Variants in SP110 observed in about 807,000 individuals in gnomAD.
The protein encoded by SP110 is SP110 nuclear body protein.
Under a neutral mutation model 92.7 loss-of-function variants are expected in SP110, and 62 were observed. That is an observed-to-expected ratio of 0.67 (90% CI 0.55 to 0.83). The LOEUF (loss-of-function observed/expected upper bound fraction) is 0.83. SP110 is among the 40% of genes least tolerant of loss of function. The probability of loss-of-function intolerance (pLI) is 0.00; values close to 1 mark genes in which losing one functional copy is unlikely to be tolerated. For missense variants in SP110, 793 were observed against 863.9 expected (o/e 0.92, Z 1.03); for synonymous variants, 273 against 305.3 (o/e 0.89, Z 1.10).
chr2:230,209,542 G>A (rs1392980758), intron 7 of SP110, among the ~76,000 whole-genome samples: 1 of 152,212 alleles, frequency 6.6e-6, no homozygotes, highest in Non-Finnish European at 1.5e-5. Flanking sequence ...CATCTAACCT[G>A]TCTCTCACCA....
chr2:230,211,336 G>T lies in SP110; in HGVS notation c.751+134C>A. 1.4e-6 allele frequency: 1 copy of T among 722,160 alleles called. No homozygotes were observed. The highest frequency in any genetic ancestry group is 2.0e-5 in the Admixed American group (1 of 51,030). 44.7% of individuals were successfully genotyped at this position (722,160 alleles called of 1,614,324 possible). A position where few individuals can be genotyped will look rare whatever the true frequency, so the allele number is the denominator to read the frequency against. On this transcript the variant is annotated intron_variant, in intron 6 of 18. Coordinates refer to ENST00000258381, the MANE Select transcript of SP110 (RefSeq NM_080424.4). The surrounding 1 kb of genome is among the most constrained non-coding windows in gnomAD (Gnocchi z 4.2). Reference sequence around the variant, plus strand: ...CTGCCTGTTCAAGCTCCCAAGTGCTGGGTGAACTGGAAGCTGGGCCAAGAT... The same window carrying T: ...CTGCCTGTTCAAGCTCCCAAGTGCTTGGTGAACTGGAAGCTGGGCCAAGAT...
rs2148926598 is a variant in SP110, at chr2:230,212,926, G to A, written c.418C>T (p.Pro140Ser). Reference sequence around the variant, plus strand: ...CTTGGTTGAGGGGGTTGTGGTGGGGGCAGCGCCAGTGGGGTATGGAGGGAG... The same window carrying A: ...CTTGGTTGAGGGGGTTGTGGTGGGGACAGCGCCAGTGGGGTATGGAGGGAG... ...GSSLHTPLAL[P>S]PPQPPQPSCS... The change falls in exon 4 of 19, where the codon CCC (proline) becomes TCC (serine). Residue 140 changes from proline (P) to serine (S), a missense_variant. Coordinates refer to ENST00000258381, the MANE Select transcript of SP110 (RefSeq NM_080424.4). 1 of 1,614,072 alleles carries A rather than the reference G, an allele frequency of 6.2e-7. No individual in the cohort carries two copies. The highest frequency in any genetic ancestry group is 2.2e-5 in the East Asian group (1 of 44,868).
rs764835902 is a variant in SP110, at chr2:230,172,108, T to C, written c.1773A>G (p.Val591=). 1 of 1,613,584 alleles carries C rather than the reference T, an allele frequency of 6.2e-7. No individual in the cohort carries two copies. The highest frequency in any genetic ancestry group is 8.5e-7 in the Non-Finnish European group (1 of 1,179,440). ...RSSGSQQCHH[V]SKTLERQMQP... ...GCATCTGCCTCTCCAGGGTCTTAGATACATGATGGCACTGTTGGCTTCCTG... is the reference window on the plus strand; with the variant it reads ...GCATCTGCCTCTCCAGGGTCTTAGACACATGATGGCACTGTTGGCTTCCTG... Residue 591 remains valine (V), a synonymous_variant, in exon 16 of 19, where the codon GTA becomes GTG. Transcript: ENST00000258381.
rs76273869 is a variant in SP110, at chr2:230,206,863, G to A, written c.898+1128C>T. Among the ~76,000 whole-genome samples, 1,345 of 151,872 alleles carry A rather than the reference G, an allele frequency of 8.9e-3. 13 individuals carry two copies. Among genetic ancestry groups the A allele is most frequent in the African/African-American group, 0.031 (1,272 of 41,426 alleles). On this transcript the variant is annotated intron_variant, in intron 8 of 18. Transcript: ENST00000258381. ...TCTAGTTAATTACTCTGATCTAGAG[G>A]GAGAATAGAACCTCTCTTATCTCCT...
intron 10 of SP110, among the ~76,000 whole-genome samples, chr2:230,189,420 G>A (rs548677966): frequency 9.9e-5 from 15 of 151,930 alleles, no homozygotes; most frequent in African/African-American, 2.7e-4. Flanking sequence ...TCTAATTTCC[G>A]TCTTAATTTC....
Position 230,212,813 on chromosome 2 carries a change from A to G in SP110, c.531T>C (p.Ser177=). ...DEILSESPSP[S]DPVLPLPALI... ...GTGCAGGGAGAGGCAGGACAGGGTCAGATGGGCTGGGCGACTCACTCAGGA... is the reference window on the plus strand; with the variant it reads ...GTGCAGGGAGAGGCAGGACAGGGTCGGATGGGCTGGGCGACTCACTCAGGA... Residue 177 remains serine, a synonymous_variant, in exon 4 of 19, where the codon TCT becomes TCC. Coordinates refer to ENST00000258381, the MANE Select transcript of SP110 (RefSeq NM_080424.4). The G allele has an allele frequency of 6.2e-7, 1 of 1,614,174 alleles. No individual in the cohort carries two copies. Among genetic ancestry groups the G allele is most frequent in the Non-Finnish European group, 8.5e-7 (1 of 1,180,014 alleles).
chr2:230,206,356 ATAGTCAACC>A (rs1352016199), intron 8 of SP110, among the ~76,000 whole-genome samples: 1 of 151,732 alleles, frequency 6.6e-6, no homozygotes, highest in Non-Finnish European at 1.5e-5. Context: ...GTCTCTCAGT[ATAGTCAACC>A]ATTCCCTCTT....
intron 10 of SP110, among the ~76,000 whole-genome samples, chr2:230,199,148 A>ATT (rs113583785): frequency 5.8e-5 from 8 of 139,104 alleles, no homozygotes; most frequent in African/African-American, 2.2e-4. Context: ...TATTATTATT[A>ATT]TTTTTTTTTT....
chr2:230,221,281 G>GA (rs113981247), upstream of SP110, among the ~76,000 whole-genome samples: 455 of 82,406 alleles, frequency 5.5e-3, 1 homozygote, highest in Non-Finnish European at 6.5e-3. Context: ...ACTCCATCTC[G>GA]AAAAAAAAAA....
intron 12 of SP110, among the ~76,000 whole-genome samples, chr2:230,181,360 A>G (rs2042119914): frequency 6.6e-6 from 1 of 152,260 alleles, no homozygotes; most frequent in Admixed American, 6.5e-5. Context: ...GCAACACACA[A>G]GACCCATCCA....
rs1137604 is a variant in SP110 at position 230,166,284 on chromosome 2, T to G, written c.*2840A>C. ...TGTCTCAAAAACCAACAGAATATCTTCATAGCCTGAAAACCGTAAAGAAAG... is the reference window on the plus strand; with the variant it reads ...TGTCTCAAAAACCAACAGAATATCTGCATAGCCTGAAAACCGTAAAGAAAG... On this transcript the variant is annotated 3_prime_UTR_variant, in exon 19 of 19. Transcript: ENST00000258381. 0.66 allele frequency among the ~76,000 whole-genome samples: 100,279 copies of G among 151,654 alleles called. 33,559 individuals carry two copies. Among genetic ancestry groups the G allele is most frequent in the Middle Eastern group, 0.72 (213 of 294 alleles).
At position 230,186,088 on chromosome 2, in the gene SP110, C is replaced by A; in HGVS notation, c.1185G>T (p.Val395=). 1 of 1,614,110 alleles carries A rather than the reference C, an allele frequency of 6.2e-7. No individual in the cohort carries two copies. The highest frequency in any genetic ancestry group is 8.5e-7 in the Non-Finnish European group (1 of 1,179,988). The stretch of plus-strand genomic sequence containing the variant: ...AGGTTGAGTCGTCTTTCCTTTGAGT[C>A]ACCTTATCCACCACTTGGAGCTTCT... ...IQEKLQVVDK[V]TQRKDDSTWN... The change falls in exon 11 of 19, where the codon GTG becomes GTT. Residue 395 remains valine, a synonymous_variant. Coordinates refer to ENST00000258381, the MANE Select transcript of SP110 (RefSeq NM_080424.4).
chr2:230,188,069 A>C (rs1483662618), intron 10 of SP110, among the ~76,000 whole-genome samples: 1 of 152,134 alleles, frequency 6.6e-6, no homozygotes, highest in East Asian at 1.9e-4. Context: ...CAATCTGTAG[A>C]TTGCCTTGGG....
At chr2:230,188,264 G>A (rs1180596579) in intron 10 of SP110, among the ~76,000 whole-genome samples, 1 of 152,070 alleles carries the variant, frequency 6.6e-6, no homozygotes, top group African/African-American at 2.4e-5. Flanking sequence ...TTTTAAAAGG[G>A]ATTGAGTTCT....
rs1421763267 is a variant in SP110, at chr2:230,202,485, T to C, written c.1048+94A>G. 2.5e-6 allele frequency: 3 copies of C among 1,202,160 alleles called. No individual in the cohort carries two copies. In the African/African-American group the frequency reaches 4.5e-5, roughly 18 times the overall value. 74.5% of individuals were successfully genotyped at this position (1,202,160 alleles called of 1,614,324 possible). On this transcript the variant is annotated intron_variant, in intron 9 of 18. Coordinates refer to ENST00000258381, the MANE Select transcript of SP110 (RefSeq NM_080424.4). ...TTCTCTGTACTTTTTCCTTTTACTA[T>C]TGACTTTACATATCTACTTAACTCT... is the stretch of plus-strand genomic sequence containing the variant.
chr2:230,192,366 G>A (rs2042674296), intron 10 of SP110, among the ~76,000 whole-genome samples: 1 of 152,138 alleles, frequency 6.6e-6, no homozygotes, highest in African/African-American at 2.4e-5. Context: ...CAGATGACAT[G>A]ATTATATACT....
Position 230,168,326 on chromosome 2 carries a change from G to A in SP110, c.*798C>T, listed in dbSNP as rs973281712. 1.8e-4 allele frequency: 28 copies of A among 151,574 alleles called. No individual in the cohort carries two copies. The highest frequency in any genetic ancestry group is 6.8e-4 in the African/African-American group (28 of 41,234). The allele number at this position is 151,574 out of a possible 1,614,324, so 9.4% of individuals were successfully genotyped here. A position where few individuals can be genotyped will look rare whatever the true frequency, so the allele number is the denominator to read the frequency against. ...AAAACAAGCATTTATCCTATTTTTTGTACAACCTGTATTTCAAGGTAACCG... is the reference window on the plus strand; with the variant it reads ...AAAACAAGCATTTATCCTATTTTTTATACAACCTGTATTTCAAGGTAACCG... On this transcript the variant is annotated 3_prime_UTR_variant, in exon 19 of 19. Coordinates refer to ENST00000258381, the MANE Select transcript of SP110 (RefSeq NM_080424.4).
chr2:230,221,593 G>T, upstream of SP110: 1 of 1,048,670 alleles, frequency 9.5e-7, no homozygotes, highest in Non-Finnish European at 1.4e-6. Context: ...TAACAGCTGA[G>T]GAGAGGGTGC....
At position 230,186,084 on chromosome 2, in the gene SP110, G is replaced by C; in HGVS notation, c.1189C>G (p.Gln397Glu). The change falls in exon 11 of 19, where the codon CAA (glutamine) becomes GAA (glutamate). Residue 397 changes from glutamine (Q) to glutamate (E), a missense_variant. By Grantham distance (29) the Gln-to-Glu change is conservative. Coordinates refer to ENST00000258381, the MANE Select transcript of SP110 (RefSeq NM_080424.4). ...TTCCAGGTTGAGTCGTCTTTCCTTT[G>C]AGTCACCTTATCCACCACTTGGAGC... The part of the protein sequence containing the change: ...EKLQVVDKVT[Q>E]RKDDSTWNSE... 6.2e-7 allele frequency: 1 copy of C among 1,614,062 alleles called. No homozygotes were observed. The highest frequency in any genetic ancestry group is 8.5e-7 in the Non-Finnish European group (1 of 1,179,972).
Sources: gnomAD v4.1 joint callset for allele counts (sites outside exome capture counted in the v4.1 genomes callset) on GRCh38, gnomAD v4.1.1 for gene constraint, Gnocchi (gnomAD v3.1) non-coding constraint, MANE v1.5 for transcripts, NCBI Gene and HGNC (gene_info 2026-07-23, HGNC 2026-07-21) for gene names.